The following BANK1 variants were observed in gnomAD, a reference collection of about 807,000 sequenced individuals.
BANK1 encodes the protein B-cell scaffold protein with ankyrin repeats.
BANK1 carries 95 observed loss-of-function variants against 94.5 expected under a neutral mutation model. That is an observed-to-expected ratio of 1.00 (90% CI 0.85 to 1.19). The LOEUF is 1.19. Among genes scored for constraint, BANK1 ranks in the 50% most tolerant of loss-of-function variants. The probability of loss-of-function intolerance (pLI) is 0.00; values close to 1 mark genes in which losing one functional copy is unlikely to be tolerated. For missense variants in BANK1, 987 were observed against 932.2 expected (o/e 1.06, Z -0.77); for synonymous variants, 334 against 308.4 (o/e 1.08, Z -0.87).
chr4:101,837,570 T>C (rs1478749715), intron 2 of BANK1, among the ~76,000 whole-genome samples: 1 of 152,248 alleles, frequency 6.6e-6, no homozygotes, highest in Non-Finnish European at 1.5e-5. Context: ...TCAAGGATTT[T>C]TCCCTCAATG....
chr4:101,947,313 GTA>G (rs1276439794), intron 7 of BANK1, among the ~76,000 whole-genome samples: 1 of 24,364 alleles, frequency 4.1e-5, no homozygotes, highest in African/African-American at 7.9e-5. Context: ...ATATATATAT[GTA>G]TATGTATTAT....
chr4:101,946,558 T>C (rs1177605001), intron 7 of BANK1, among the ~76,000 whole-genome samples: 1 of 151,906 alleles, frequency 6.6e-6, no homozygotes, highest in Admixed American at 6.6e-5. Flanking sequence ...AAATGAAGCA[T>C]ATTCAAACTA....
chr4:102,067,531 G>T (rs1321670576), intron 13 of BANK1, among the ~76,000 whole-genome samples: 1 of 151,840 alleles, frequency 6.6e-6, no homozygotes, highest in Non-Finnish European at 1.5e-5. Flanking sequence ...TGTAAGACAA[G>T]ATAAATTTCA....
chr4:101,976,620 A>T (rs1165125100), intron 7 of BANK1, among the ~76,000 whole-genome samples: 1 of 152,142 alleles, frequency 6.6e-6, no homozygotes, highest in Admixed American at 6.6e-5. Context: ...CCAGATAAAC[A>T]TCATATTTTA....
chr4:101,841,398 A>G (rs570495124), intron 2 of BANK1, among the ~76,000 whole-genome samples: 2 of 152,164 alleles, frequency 1.3e-5, no homozygotes, highest in Admixed American at 6.5e-5. Flanking sequence ...TTATAAGTAT[A>G]GGACTAAACT....
intron 8 of BANK1, among the ~76,000 whole-genome samples, chr4:102,024,527 A>G (rs1160871116): frequency 1.3e-5 from 2 of 152,122 alleles, no homozygotes; most frequent in South Asian, 2.1e-4. Context: ...TTGTCAGAGT[A>G]GAGGGAATTT....
Position 101,820,437 on chromosome 4 carries a change from A to G in BANK1, c.71-9371A>G, listed in dbSNP as rs143972576. ...AAAAGTTGACATTACTTGTAAGGCA[A>G]TTGCCTCAAGTGAAGTTTTTAAAAA... On this transcript the variant is annotated intron_variant, in intron 1 of 16. Coordinates refer to ENST00000322953, the MANE Select transcript of BANK1 (RefSeq NM_017935.5). Among the ~76,000 whole-genome samples the G allele has an allele frequency of 2.7e-4, 41 of 152,252 alleles. No homozygotes were observed. In the East Asian group the frequency reaches 4.2e-3, roughly 16 times the overall value.
intron 5 of BANK1, among the ~76,000 whole-genome samples, chr4:101,891,784 AG>A (rs768844691): frequency 1.3e-5 from 2 of 152,178 alleles, no homozygotes; most frequent in East Asian, 3.9e-4. Flanking sequence ...CTACCCAGTG[AG>A]GTATAATTTT....
chr4:101,883,654 A>C (rs1313997605), intron 5 of BANK1, among the ~76,000 whole-genome samples: 1 of 152,174 alleles, frequency 6.6e-6, no homozygotes, highest in Admixed American at 6.5e-5. Context: ...TGCTGATGTG[A>C]GTGCTGCCTG....
At chr4:101,936,183 T>C (rs1044806109) in intron 7 of BANK1, among the ~76,000 whole-genome samples, 5 of 113,122 alleles carry the variant, frequency 4.4e-5, no homozygotes, top group African/African-American at 1.7e-4. Flanking sequence ...AAAAAATATA[T>C]ATGATATATA....
chr4:102,004,881 C>T (rs1053111994), intron 7 of BANK1, among the ~76,000 whole-genome samples: 1 of 152,058 alleles, frequency 6.6e-6, no homozygotes, highest in Admixed American at 6.6e-5. Context: ...TGACAAGTAC[C>T]TCCACTGCTT....
At chr4:102,010,390 TC>T (rs1264760818) in intron 7 of BANK1, among the ~76,000 whole-genome samples, 4 of 150,542 alleles carry the variant, frequency 2.7e-5, no homozygotes, top group African/African-American at 9.8e-5. Flanking sequence ...TTGATTAATT[TC>T]TTTTTTTTTT....
chr4:101,805,700 T>A (rs1578327185), intron 1 of BANK1, among the ~76,000 whole-genome samples: 1 of 150,874 alleles, frequency 6.6e-6, no homozygotes, highest in South Asian at 2.1e-4. Flanking sequence ...ACAAATAAAG[T>A]CGTAGCCATT....
chr4:101,936,403 G>GTGTGTA (rs1340703583), intron 7 of BANK1, among the ~76,000 whole-genome samples: 4 of 149,924 alleles, frequency 2.7e-5, no homozygotes, highest in Non-Finnish European at 4.5e-5. Context: ...ATGTATATAT[G>GTGTGTA]TGCGTATGCA....
intron 6 of BANK1, among the ~76,000 whole-genome samples, chr4:101,917,664 T>G (rs1249410081): frequency 1.3e-5 from 2 of 152,004 alleles, no homozygotes. Flanking sequence ...GTTTGGTTAA[T>G]GTCTAAGTAC....
intron 7 of BANK1, among the ~76,000 whole-genome samples, chr4:102,007,679 C>T (rs149610663): frequency 1.2e-4 from 18 of 152,092 alleles, no homozygotes; most frequent in African/African-American, 3.1e-4. Flanking sequence ...CCTCTGAAAA[C>T]GGTAACATGT....
At chr4:101,982,848 T>G (rs1034263944) in intron 7 of BANK1, among the ~76,000 whole-genome samples, 3 of 151,962 alleles carry the variant, frequency 2.0e-5, no homozygotes, top group African/African-American at 7.2e-5. Flanking sequence ...CGGTTTTACA[T>G]ATTTAATAAT....
In BANK1 at chr4:101,918,117, G is replaced by C. The variant is rs746084335; in HGVS notation, c.1134G>C (p.Glu378Asp). 1.9e-6 allele frequency: 3 copies of C among 1,611,948 alleles called. No homozygotes were observed. Among genetic ancestry groups the C allele is most frequent in the South Asian group, 1.1e-5 (1 of 90,908 alleles). The change falls in exon 7 of 17, where the codon GAG becomes GAC. Residue 378 changes from glutamate (E) to aspartate (D), a missense_variant. Coordinates refer to ENST00000322953, the MANE Select transcript of BANK1 (RefSeq NM_017935.5). ...GGGCATCTAAGATGAAAAATATGGA[G>C]GGTTCAGACCCCGCACATATTGCTG... ...ATWASKMKNM[E>D]GSDPAHIAER...
chr4:101,869,133 G>A (rs181399632), intron 4 of BANK1, among the ~76,000 whole-genome samples: 4 of 151,696 alleles, frequency 2.6e-5, no homozygotes, highest in African/African-American at 7.2e-5. Flanking sequence ...ATTCATTACC[G>A]ATTTTCTTTC....
Sources: gnomAD v4.1 joint callset for allele counts (sites outside exome capture counted in the v4.1 genomes callset) on GRCh38, gnomAD v4.1.1 for gene constraint, MANE v1.5 for transcripts, NCBI Gene and HGNC (gene_info 2026-07-23, HGNC 2026-07-21) for gene names.